CAMTA1: variants seen among roughly 807,000 people sequenced by gnomAD.
CAMTA1 encodes the protein calmodulin binding transcription activator 1.
CAMTA1 carries 27 observed loss-of-function variants against 170.9 expected under a neutral mutation model. That is an observed-to-expected ratio of 0.16 (90% CI 0.12 to 0.22). The LOEUF is 0.22. CAMTA1 is among the 10% of genes least tolerant of loss of function. CAMTA1 has a pLI of 1.00. For synonymous variants in CAMTA1, 833 were observed against 891.5 expected (o/e 0.93, Z 1.17); for missense variants, 1,619 against 2,217.2 (o/e 0.73, Z 5.42).
In CAMTA1 at chr1:7,738,251, T is replaced by C. The variant is rs139833512; in HGVS notation, c.3951T>C (p.Pro1317=). The stretch of plus-strand genomic sequence containing the variant: ...CATTTCAAGCCTCTGGATCTCAGCC[T>C]GTAGGAAAGTGGAATTCCAAAGATC... The part of the protein sequence containing the change: ...TAAFQASGSQ[P]VGKWNSKDLY... Residue 1317 remains proline (P), a synonymous_variant, in exon 16 of 23, where the codon CCT becomes CCC. Coordinates refer to ENST00000303635, the MANE Select transcript of CAMTA1 (RefSeq NM_015215.4). The surrounding 1 kb of genome is among the most constrained non-coding windows in gnomAD (Gnocchi z 4.9). The C allele has an allele frequency of 1.1e-5, 18 of 1,613,964 alleles. No individual in the cohort carries two copies. The highest frequency in any genetic ancestry group is 1.4e-5 in the Non-Finnish European group (16 of 1,180,044).
intron 4 of CAMTA1, among the ~76,000 whole-genome samples, chr1:7,203,018 G>A (rs2149021890): frequency 6.6e-6 from 1 of 152,286 alleles, no homozygotes; most frequent in South Asian, 2.1e-4. Context: ...ACTTTTGTAG[G>A]TGTCCTTTAT....
chr1:7,013,544 G>A (rs998795261), intron 3 of CAMTA1, among the ~76,000 whole-genome samples: 5 of 152,066 alleles, frequency 3.3e-5, no homozygotes, highest in Admixed American at 2.6e-4. Context: ...TTCTCAACCC[G>A]GAAGCCAGAG....
intron 6 of CAMTA1, among the ~76,000 whole-genome samples, chr1:7,578,376 C>A (rs906578198): frequency 6.6e-6 from 1 of 152,194 alleles, no homozygotes; most frequent in Non-Finnish European, 1.5e-5. Flanking sequence ...AAGGACAAAG[C>A]CACGTGTCCC....
chr1:7,479,001 G>A (rs559858202), intron 6 of CAMTA1, among the ~76,000 whole-genome samples: 3 of 152,348 alleles, frequency 2.0e-5, no homozygotes, highest in Non-Finnish European at 4.4e-5. Context: ...TCCAGACGTA[G>A]TGGGACAGAA....
intron 3 of CAMTA1, among the ~76,000 whole-genome samples, chr1:7,020,689 C>A (rs1017651745): frequency 1.3e-5 from 2 of 152,178 alleles, no homozygotes; most frequent in African/African-American, 2.4e-5. Flanking sequence ...GCAGAGGGGG[C>A]TGCAAATTGT....
At chr1:6,861,343 G>C (rs148973196) in intron 3 of CAMTA1, among the ~76,000 whole-genome samples, 1 of 152,124 alleles carries the variant, frequency 6.6e-6, no homozygotes, top group African/African-American at 2.4e-5. Flanking sequence ...TTTGTCCTTT[G>C]GCAGCAGAAG....
rs564372409 is a variant in CAMTA1 at position 6,882,448 on chromosome 1, A to T, written c.234+57238A>T. 1.0e-3 allele frequency among the ~76,000 whole-genome samples: 156 copies of T among 152,308 alleles called. 1 individual carries two copies. Among genetic ancestry groups the T allele is most frequent in the Non-Finnish European group, 2.9e-4 (20 of 68,018 alleles). ...AGGAAGAAATGGTCATATATGGGTT[A>T]TGTTTGAAAGGAAGAGCTGGTAGAC... On this transcript the variant is annotated intron_variant, in intron 3 of 22. Coordinates refer to ENST00000303635, the MANE Select transcript of CAMTA1 (RefSeq NM_015215.4).
intron 4 of CAMTA1, among the ~76,000 whole-genome samples, chr1:7,155,292 G>A (rs945367956): frequency 2.6e-5 from 4 of 151,936 alleles, no homozygotes; most frequent in African/African-American, 9.7e-5. Flanking sequence ...TCGTCATGCC[G>A]GGCAGCGCCC....
At chr1:7,045,048 C>A (rs1468658160) in intron 3 of CAMTA1, among the ~76,000 whole-genome samples, 1 of 152,098 alleles carries the variant, frequency 6.6e-6, no homozygotes, top group Non-Finnish European at 1.5e-5. Context: ...TAGCTTGTAC[C>A]TGAACACTGC....
chr1:7,230,432 A>ACCCCCCCCCCCCCCCCCCC (rs66934266), intron 4 of CAMTA1, among the ~76,000 whole-genome samples: 2 of 38,250 alleles, frequency 5.2e-5, no homozygotes, highest in Admixed American at 2.6e-4. Flanking sequence ...CTCTGGGCTG[A>ACCCCCCCCCCCCCCCCCCC]CCCCCCCCCC....
At chr1:6,938,730 C>T (rs1474781652) in intron 3 of CAMTA1, among the ~76,000 whole-genome samples, 1 of 152,174 alleles carries the variant, frequency 6.6e-6, no homozygotes, top group Non-Finnish European at 1.5e-5. Context: ...CTTTGTTTTT[C>T]TGGCCTTTCA....
At chr1:7,318,200 C>T (rs955747533) in intron 5 of CAMTA1, among the ~76,000 whole-genome samples, 1 of 152,178 alleles carries the variant, frequency 6.6e-6, no homozygotes, top group Admixed American at 6.5e-5. Flanking sequence ...CAGAAATTTT[C>T]CTGCATTGCT....
chr1:7,460,445 G>C (rs189050651), intron 5 of CAMTA1, among the ~76,000 whole-genome samples: 1 of 152,282 alleles, frequency 6.6e-6, no homozygotes, highest in East Asian at 1.9e-4. Flanking sequence ...CTACGAGACT[G>C]GGGGAGGCTG....
At chr1:7,385,267 T>G (rs2087819455) in intron 5 of CAMTA1, among the ~76,000 whole-genome samples, 1 of 151,954 alleles carries the variant, frequency 6.6e-6, no homozygotes, top group African/African-American at 2.4e-5. Flanking sequence ...GTTTTTGTAT[T>G]TTTAGTAGAG....
At position 6,991,111 on chromosome 1, in the gene CAMTA1, T is replaced by A. The variant is rs537762592; in HGVS notation, c.235-100193T>A. 1.2e-4 allele frequency among the ~76,000 whole-genome samples: 19 copies of A among 152,268 alleles called. No homozygotes were observed. The South Asian group carries it at 3.9e-3, about 32-fold the overall frequency. ...TTATTGAGAGTAGTATTCCATTGTA[T>A]GAATGTACCATAGTTTGTTTATCCA... On this transcript the variant is annotated intron_variant, in intron 3 of 22. Transcript: ENST00000303635.
chr1:6,957,523 A>G (rs1305283433), intron 3 of CAMTA1, among the ~76,000 whole-genome samples: 1 of 152,128 alleles, frequency 6.6e-6, no homozygotes, highest in African/African-American at 2.4e-5. Context: ...GGTCACCTGC[A>G]TCCCTTGATT....
chr1:7,192,838 G>A (rs1654802520), intron 4 of CAMTA1, among the ~76,000 whole-genome samples: 2 of 152,306 alleles, frequency 1.3e-5, no homozygotes, highest in Non-Finnish European at 2.9e-5. Flanking sequence ...TCACCGGAAG[G>A]AAAAGGAAAG....
intron 3 of CAMTA1, among the ~76,000 whole-genome samples, chr1:6,945,787 A>G (rs143465690): frequency 3.2e-4 from 49 of 152,340 alleles, no homozygotes; most frequent in Non-Finnish European, 6.0e-4. Context: ...TCTTTCACTT[A>G]TCATAATGTT....
At chr1:7,713,168 A>G (rs953561713) in intron 11 of CAMTA1, among the ~76,000 whole-genome samples, 1 of 152,176 alleles carries the variant, frequency 6.6e-6, no homozygotes, top group African/African-American at 2.4e-5. Context: ...GATGGGAGAG[A>G]GGCAATGATA....
Sources: gnomAD v4.1 joint callset for allele counts (sites outside exome capture counted in the v4.1 genomes callset) on GRCh38, gnomAD v4.1.1 for gene constraint, Gnocchi (gnomAD v3.1) non-coding constraint, MANE v1.5 for transcripts, NCBI Gene and HGNC (gene_info 2026-07-23, HGNC 2026-07-21) for gene names.